Variants in MRTFB observed in about 807,000 individuals in gnomAD.
MRTFB encodes the protein myocardin related transcription factor B.
In MRTFB, 29 loss-of-function variants were observed where a neutral mutation model predicts 104.2. The ratio of observed to expected loss-of-function variants is 0.28; its 90% CI spans 0.21 to 0.38. The LOEUF (loss-of-function observed/expected upper bound fraction) is 0.38, where lower values mean the gene tolerates loss of function less well. Among genes scored for constraint, MRTFB ranks in the 10% least tolerant of loss-of-function variants. The pLI is 1.00. For synonymous variants in MRTFB, 535 were observed against 519.5 expected, an observed-to-expected ratio of 1.03 and a Z score of -0.41; for missense variants, 1,270 against 1,341.6, an observed-to-expected ratio of 0.95 and a Z score of 0.83.
chr16:14,005,325 G>C, the MRTFB span, among the ~76,000 whole-genome samples: 3 of 152,144 alleles, frequency 2.0e-5, no homozygotes, highest in Admixed American at 2.0e-4. Context: ...TTCTACTCAG[G>C]GAGTACTGAT....
chr16:14,101,529 A>G (rs933766870), intron 2 of MRTFB, among the ~76,000 whole-genome samples: 1 of 152,228 alleles, frequency 6.6e-6, no homozygotes, highest in African/African-American at 2.4e-5. Flanking sequence ...ATGAGTTAGA[A>G]TATGCCAGGA....
rs865915676 is a variant in MRTFB, at chr16:14,230,898, G to A, written c.694-3248G>A. ...GGAACCAACCCAAATGTCCAACAAT[G>A]ATAGACTGGATTAAGAAAATGTGGC... On this transcript the variant is annotated intron_variant, in intron 8 of 16. Transcript: ENST00000571589. Among the ~76,000 whole-genome samples, 87 of 151,216 alleles carry A rather than the reference G, an allele frequency of 5.8e-4. 1 individual carries two copies. Among genetic ancestry groups the A allele is most frequent in the African/African-American group, 2.0e-3 (83 of 40,770 alleles).
rs576377818 is a variant in MRTFB at position 14,159,248 on chromosome 16, T to G, written c.154+18488T>G. ...GTTGCCATGCTAGGAAGAATTACTT[T>G]ACAACCAAGGACCTTGGTAGTCTAG... On this transcript the variant is annotated intron_variant, in intron 3 of 16. Transcript: ENST00000571589. Among the ~76,000 whole-genome samples the G allele has an allele frequency of 1.2e-4, 19 of 152,336 alleles. No individual in the cohort carries two copies. In the South Asian group the frequency reaches 3.7e-3, roughly 30 times the overall value.
At chr16:14,145,831 A>C (rs894931474) in intron 3 of MRTFB, among the ~76,000 whole-genome samples, 4 of 152,238 alleles carry the variant, frequency 2.6e-5, no homozygotes, top group African/African-American at 9.6e-5. Context: ...AAACCAGTCA[A>C]AGGAATAGGA....
chr16:14,046,348 T>TTGAA, the MRTFB span, among the ~76,000 whole-genome samples: 16 of 152,102 alleles, frequency 1.1e-4, no homozygotes, highest in Non-Finnish European at 5.9e-5. Flanking sequence ...ATATATTTTG[T>TTGAA]TGAATGAATG....
chr16:14,033,202 C>G, the MRTFB span, among the ~76,000 whole-genome samples: 2 of 151,872 alleles, frequency 1.3e-5, no homozygotes, highest in Admixed American at 6.6e-5. Flanking sequence ...GAGTTTGAAA[C>G]GAGCCTGGGC....
the MRTFB span, among the ~76,000 whole-genome samples, chr16:14,012,207 C>G: frequency 6.7e-6 from 1 of 149,282 alleles, no homozygotes; most frequent in Non-Finnish European, 1.5e-5. Flanking sequence ...AGGCAACGAC[C>G]TTGACATTTT....
the MRTFB span, among the ~76,000 whole-genome samples, chr16:14,025,299 G>A: frequency 6.6e-6 from 1 of 152,124 alleles, no homozygotes; most frequent in African/African-American, 2.4e-5. Flanking sequence ...TCCCATCTTA[G>A]CCTCCCAAGT....
intron 8 of MRTFB, among the ~76,000 whole-genome samples, chr16:14,222,490 A>ATTC (rs1254483797): frequency 6.6e-6 from 1 of 151,762 alleles, no homozygotes; most frequent in Non-Finnish European, 1.5e-5. Flanking sequence ...GCCCAAAACA[A>ATTC]TTCTTCTTCC....
chr16:14,168,629 T>A (rs1330217787), intron 3 of MRTFB, among the ~76,000 whole-genome samples: 1 of 152,232 alleles, frequency 6.6e-6, no homozygotes, highest in African/African-American at 2.4e-5. Flanking sequence ...ATTTATCCAT[T>A]TTCCTTTTAG....
At chr16:14,031,394 A>G in the MRTFB span, among the ~76,000 whole-genome samples, 4 of 150,514 alleles carry the variant, frequency 2.7e-5, no homozygotes, top group Non-Finnish European at 5.9e-5. Context: ...GCTGTCTCAA[A>G]AAAAAAAAAA....
intron 15 of MRTFB, among the ~76,000 whole-genome samples, chr16:14,253,615 G>T (rs1314394502): frequency 6.6e-6 from 1 of 152,206 alleles, no homozygotes; most frequent in Non-Finnish European, 1.5e-5. Flanking sequence ...GGTTGCCTCA[G>T]TGAGCATCTA....
intron 2 of MRTFB, among the ~76,000 whole-genome samples, chr16:14,139,175 G>C (rs530163446): frequency 6.6e-6 from 1 of 152,092 alleles, no homozygotes; most frequent in African/African-American, 2.4e-5. Context: ...ATCTGATAAA[G>C]CACTTGTATC....
intron 3 of MRTFB, chr16:14,186,668 C>T: frequency 7.7e-7 from 1 of 1,299,360 alleles, no homozygotes. Context: ...GCCTGTGTGG[C>T]TCTGCCTCCC....
chr16:14,222,790 G>A (rs529783800), intron 8 of MRTFB, among the ~76,000 whole-genome samples: 2 of 152,210 alleles, frequency 1.3e-5, no homozygotes, highest in African/African-American at 4.8e-5. Flanking sequence ...CAGAATAAAA[G>A]TCAAGAAACA....
chr16:14,102,369 T>A (rs1247318541), intron 2 of MRTFB, among the ~76,000 whole-genome samples: 2 of 152,178 alleles, frequency 1.3e-5, no homozygotes, highest in Admixed American at 6.5e-5. Flanking sequence ...CGCCTCTTCA[T>A]TGGTAAAGTG....
the MRTFB span, among the ~76,000 whole-genome samples, chr16:14,034,747 C>T: frequency 1.3e-5 from 2 of 152,150 alleles, no homozygotes; most frequent in South Asian, 4.1e-4. Context: ...ATTCTTGACC[C>T]TATCTTGATT....
intron 3 of MRTFB, among the ~76,000 whole-genome samples, chr16:14,166,416 G>C (rs564792600): frequency 6.6e-6 from 1 of 152,062 alleles, no homozygotes; most frequent in Non-Finnish European, 1.5e-5. Context: ...TTTCAAAAAA[G>C]AATGTCAACA....
At chr16:14,150,603 T>G (rs1453951488) in intron 3 of MRTFB, among the ~76,000 whole-genome samples, 1 of 152,186 alleles carries the variant, frequency 6.6e-6, no homozygotes, top group Non-Finnish European at 1.5e-5. Flanking sequence ...GTGCCAGCTA[T>G]TCAGGAAGAT....
Sources: gnomAD v4.1 joint callset for allele counts (sites outside exome capture counted in the v4.1 genomes callset) on GRCh38, gnomAD v4.1.1 for gene constraint, MANE v1.5 for transcripts, NCBI Gene and HGNC (gene_info 2026-07-23, HGNC 2026-07-21) for gene names.